ZFHX3: variants seen among roughly 807,000 people sequenced by gnomAD.
ZFHX3 encodes zinc finger homeobox protein 3.
A neutral mutation model predicts 279.1 loss-of-function variants in ZFHX3; 42 were observed. The observed-to-expected ratio is 0.15, with a 90% CI of 0.12 to 0.19. The LOEUF is 0.19. Among genes scored for constraint, ZFHX3 ranks in the 10% least tolerant of loss-of-function variants. ZFHX3 has a pLI of 1.00. For synonymous variants in ZFHX3, 2,293 were observed against 1,957.8 expected (o/e 1.17, Z -4.52); for missense variants, 4,981 against 4,754.0 (o/e 1.05, Z -1.40).
At chr16:73,881,550 T>A (rs2030165937) in intron 1 of ZFHX3, among the ~76,000 whole-genome samples, 1 of 138,666 alleles carries the variant, frequency 7.2e-6, no homozygotes, top group Non-Finnish European at 1.5e-5. Flanking sequence ...AGAGAAAGTG[T>A]CTATAGCTTC....
chr16:73,586,511 T>C (rs1219365558), intron 2 of ZFHX3, among the ~76,000 whole-genome samples: 1 of 150,066 alleles, frequency 6.7e-6, no homozygotes, highest in Non-Finnish European at 1.5e-5. Context: ...ACTACAGCTA[T>C]ACTATTATTA....
At chr16:73,168,211 T>TTTTATTTCTTTC (rs71391499) in intron 5 of ZFHX3, among the ~76,000 whole-genome samples, 47 of 95,312 alleles carry the variant, frequency 4.9e-4, no homozygotes, top group African/African-American at 1.6e-3. Flanking sequence ...GTTTCTTTTG[T>TTTTATTTCTTTC]TTTCTTTCTT....
intron 2 of ZFHX3, among the ~76,000 whole-genome samples, chr16:73,581,393 CTG>C (rs1176020232): frequency 6.6e-6 from 1 of 151,688 alleles, no homozygotes; most frequent in Non-Finnish European, 1.5e-5. Flanking sequence ...CTTTCATATA[CTG>C]TTTGTATAAG....
At chr16:73,332,061 T>C (rs2015815949) in intron 3 of ZFHX3, among the ~76,000 whole-genome samples, 1 of 152,230 alleles carries the variant, frequency 6.6e-6, no homozygotes, top group African/African-American at 2.4e-5. Flanking sequence ...ACAACGTGGC[T>C]TTTATAGAGC....
At chr16:73,170,373 G>A (rs1036205815) in intron 5 of ZFHX3, among the ~76,000 whole-genome samples, 3 of 151,818 alleles carry the variant, frequency 2.0e-5, no homozygotes, top group African/African-American at 7.3e-5. Flanking sequence ...TGGGACTACA[G>A]TCACATGTCA....
intron 3 of ZFHX3, among the ~76,000 whole-genome samples, chr16:73,373,578 G>A (rs1327891617): frequency 6.6e-6 from 1 of 152,184 alleles, no homozygotes; most frequent in African/African-American, 2.4e-5. Flanking sequence ...ACCACCAAAT[G>A]AACTGGATTG....
chr16:73,018,104 G>A (rs555325378), intron 1 of ZFHX3, among the ~76,000 whole-genome samples: 1 of 151,524 alleles, frequency 6.6e-6, no homozygotes, highest in East Asian at 2.0e-4. Context: ...TCCCGCCTTA[G>A]CCTCTTGAGT....
chr16:73,250,777 G>GCC (rs1669028471), intron 5 of ZFHX3, among the ~76,000 whole-genome samples: 1 of 151,988 alleles, frequency 6.6e-6, no homozygotes, highest in African/African-American at 2.4e-5. Context: ...CTCATGATCC[G>GCC]CCCGCCTCAG....
intron 7 of ZFHX3, among the ~76,000 whole-genome samples, chr16:73,107,947 G>T (rs1037911839): frequency 6.6e-6 from 1 of 152,182 alleles, no homozygotes; most frequent in African/African-American, 2.4e-5. Flanking sequence ...GGATCACGAG[G>T]TCAGGAGATC....
At chr16:73,106,426 G>C (rs561504368) in intron 7 of ZFHX3, among the ~76,000 whole-genome samples, 1 of 152,032 alleles carries the variant, frequency 6.6e-6, no homozygotes, top group African/African-American at 2.4e-5. Flanking sequence ...TACACAAGAC[G>C]GAAGATGTAC....
At chr16:73,735,651 CA>C (rs1358768113) in intron 1 of ZFHX3, among the ~76,000 whole-genome samples, 13 of 152,250 alleles carry the variant, frequency 8.5e-5, no homozygotes, top group African/African-American at 3.1e-4. Flanking sequence ...TGCTATTCAG[CA>C]AAAAGTAAGG....
chr16:73,071,738 T>C (rs1179978414), intron 8 of ZFHX3, among the ~76,000 whole-genome samples: 1 of 152,242 alleles, frequency 6.6e-6, no homozygotes, highest in Non-Finnish European at 1.5e-5. Context: ...GCATGCAGTT[T>C]AGAGGAAATG....
chr16:73,282,144 T>A (rs1683122113), intron 4 of ZFHX3, among the ~76,000 whole-genome samples: 1 of 152,186 alleles, frequency 6.6e-6, no homozygotes, highest in Admixed American at 6.5e-5. Context: ...TCCCTTTGTA[T>A]TTTTCCCCCA....
chr16:72,995,389 C>G (rs968444685), intron 1 of ZFHX3, among the ~76,000 whole-genome samples: 2 of 152,082 alleles, frequency 1.3e-5, no homozygotes, highest in Admixed American at 1.3e-4. Flanking sequence ...CAGTTCAGCA[C>G]GGACTTAATG....
chr16:72,821,692 CCTAT>C (rs2036795900), intron 5 of ZFHX3, among the ~76,000 whole-genome samples: 3 of 152,192 alleles, frequency 2.0e-5, no homozygotes, highest in Admixed American at 1.3e-4. Context: ...CCTCGAGCAT[CCTAT>C]CTGACTACAC....
At chr16:73,364,044 A>G (rs940423203) in intron 3 of ZFHX3, among the ~76,000 whole-genome samples, 4 of 152,040 alleles carry the variant, frequency 2.6e-5, no homozygotes, top group African/African-American at 9.7e-5. Flanking sequence ...ATGGTGACGC[A>G]TGCCTGTCAT....
At chr16:72,841,368 G>T (rs1275200093) in intron 4 of ZFHX3, among the ~76,000 whole-genome samples, 1 of 152,312 alleles carries the variant, frequency 6.6e-6, no homozygotes, top group East Asian at 1.9e-4. Context: ...AAAGGTTTAC[G>T]TTCAAGAGCT....
chr16:73,779,676 C>A (rs1295069247), intron 1 of ZFHX3, among the ~76,000 whole-genome samples: 1 of 152,220 alleles, frequency 6.6e-6, no homozygotes, highest in Admixed American at 6.5e-5. Flanking sequence ...CGTTATGCTC[C>A]CGTTGTACAA....
At chr16:73,557,825 A>T (rs1368874647) in intron 2 of ZFHX3, among the ~76,000 whole-genome samples, 1 of 152,088 alleles carries the variant, frequency 6.6e-6, no homozygotes, top group Non-Finnish European at 1.5e-5. Context: ...GCCTCATTTT[A>T]TCCAGCCCCT....
Sources: allele counts gnomAD v4.1 joint callset (sites outside exome capture counted in the v4.1 genomes callset), GRCh38; gene constraint gnomAD v4.1.1; transcripts MANE v1.5; gene names NCBI Gene and HGNC (gene_info 2026-07-23, HGNC 2026-07-21).